Variants in GYS2 observed in about 807,000 individuals in gnomAD.
The protein encoded by GYS2 is glycogen synthase 2, also known as glycogen [starch] synthase, liver.
In GYS2, 80 loss-of-function variants were observed where a neutral mutation model predicts 85.6. The ratio of observed to expected loss-of-function variants is 0.93; its 90% CI spans 0.78 to 1.13. The LOEUF (loss-of-function observed/expected upper bound fraction) is 1.13. Among genes scored for constraint, GYS2 ranks in the 50% most tolerant of loss-of-function variants. The pLI is 0.00. For missense variants in GYS2, 881 were observed against 854.9 expected (o/e 1.03, Z -0.38); for synonymous variants, 328 against 300.7 (o/e 1.09, Z -0.94).
chr12:21,601,692 T>C (rs1350424156), intron 1 of GYS2, among the ~76,000 whole-genome samples: 1 of 152,038 alleles, frequency 6.6e-6, no homozygotes, highest in Non-Finnish European at 1.5e-5. Context: ...TCCCTTAGTC[T>C]CACACTCATC....
intron 10 of GYS2, 124 bp from the exon 11 acceptor site, chr12:21,558,437 A>G: frequency 1.4e-6 from 1 of 694,956 alleles, no homozygotes; most frequent in East Asian, 2.7e-5. Flanking sequence ...GATGGCACTA[A>G]TGATGATGAC....
chr12:21,539,942 A>G (rs1943952706), intron 14 of GYS2, among the ~76,000 whole-genome samples: 1 of 152,240 alleles, frequency 6.6e-6, no homozygotes, highest in Admixed American at 6.5e-5. Flanking sequence ...AAGCTGTGTG[A>G]GCATCCAGGT....
chr12:21,576,112 A>T (rs1944444260), intron 2 of GYS2, 55 bp from the exon 3 acceptor site: 3 of 1,375,598 alleles, frequency 2.2e-6, no homozygotes, highest in African/African-American at 2.8e-5. Flanking sequence ...AAGACAGGAC[A>T]ATGTATTTGC....
At chr12:21,560,240 G>C (rs111513713) in intron 8 of GYS2, 146 bp downstream of exon 8, 19 of 652,534 alleles carry the variant, frequency 2.9e-5, no homozygotes, top group African/African-American at 2.3e-4. Flanking sequence ...TAAAATAGTA[G>C]CACGATGAAA....
chr12:21,560,565 A>G, intron 7 of GYS2, 73 bp from the exon 8 acceptor site: 1 of 795,038 alleles, frequency 1.3e-6, no homozygotes, highest in East Asian at 2.4e-5. Flanking sequence ...GAACTTAAAC[A>G]TTGAAAAGTA....
chr12:21,534,813 A>G (rs1458323080), downstream of GYS2, among the ~76,000 whole-genome samples: 3 of 152,186 alleles, frequency 2.0e-5, no homozygotes, highest in Non-Finnish European at 4.4e-5. Flanking sequence ...CACGTTTTCT[A>G]TAGTTCCTGT....
intron 1 of GYS2, among the ~76,000 whole-genome samples, chr12:21,585,560 GAAA>G (rs36121025): frequency 2.6e-5 from 3 of 115,782 alleles, no homozygotes; most frequent in African/African-American, 3.2e-5. Context: ...ACTCCACCAG[GAAA>G]AAAAAAAAAA....
chr12:21,585,044 T>G (rs1334313622), intron 1 of GYS2, among the ~76,000 whole-genome samples: 4 of 152,192 alleles, frequency 2.6e-5, no homozygotes, highest in Non-Finnish European at 5.9e-5. Flanking sequence ...CTGTGTATGC[T>G]CTGAATCAGT....
chr12:21,575,861 C>A lies in GYS2; in HGVS notation c.495+5G>T. 2 of 1,605,300 alleles carry A rather than the reference C, an allele frequency of 1.2e-6. No homozygotes were observed. Among genetic ancestry groups the A allele is most frequent in the Non-Finnish European group, 1.7e-6 (2 of 1,172,130 alleles). ...TCCGTTGTATCACTATATAATAAAC[C>A]ATACCTCTTTTAAGAACCAGGCAGT... On this transcript the variant is annotated splice_donor_5th_base_variant and intron_variant, in intron 3 of 15. Coordinates refer to ENST00000261195, the MANE Select transcript of GYS2 (RefSeq NM_021957.4).
At chr12:21,577,976 T>G (rs1944465510) in intron 2 of GYS2, among the ~76,000 whole-genome samples, 1 of 152,184 alleles carries the variant, frequency 6.6e-6, no homozygotes, top group South Asian at 2.1e-4. Flanking sequence ...CTTAACCTCA[T>G]GGTTACTTGA....
At chr12:21,569,897 C>T (rs764038989) in intron 4 of GYS2, among the ~76,000 whole-genome samples, 4 of 152,046 alleles carry the variant, frequency 2.6e-5, no homozygotes, top group African/African-American at 7.2e-5. Context: ...GAAATTGAAC[C>T]TTTTAGAGGT....
chr12:21,559,608 G>T, intron 9 of GYS2, 43 bp downstream of exon 9: 5 of 1,028,862 alleles, frequency 4.9e-6, no homozygotes, highest in Non-Finnish European at 7.7e-6. Context: ...TTTGAATAGT[G>T]AAACCTTAAG....
chr12:21,538,939 G>C (rs1419762038), intron 15 of GYS2, among the ~76,000 whole-genome samples: 3 of 152,180 alleles, frequency 2.0e-5, no homozygotes, highest in Admixed American at 6.5e-5. Context: ...CTTCCTTGGA[G>C]AGCAAATTCA....
intron 8 of GYS2, among the ~76,000 whole-genome samples, chr12:21,560,117 G>A (rs1037024670): frequency 5.3e-5 from 8 of 152,160 alleles, no homozygotes; most frequent in Admixed American, 5.2e-4. Flanking sequence ...ACAATAGAAA[G>A]TTAAAAAATG....
At chr12:21,559,354 A>T (rs1944223469) in intron 9 of GYS2, among the ~76,000 whole-genome samples, 185 bp from the exon 10 acceptor site, 1 of 152,170 alleles carries the variant, frequency 6.6e-6, no homozygotes, top group Non-Finnish European at 1.5e-5. Context: ...TTGTCAATAT[A>T]TATTTTGAAT....
Position 21,575,948 on chromosome 12 carries a change from C to G in GYS2, c.413G>C (p.Cys138Ser), listed in dbSNP as rs1162919810. 6.2e-7 allele frequency: 1 copy of G among 1,613,822 alleles called. No homozygotes were observed. The highest frequency in any genetic ancestry group is 1.7e-5 in the Admixed American group (1 of 60,012). Residue 138 changes from cysteine to serine, a missense_variant, in exon 3 of 16, where the codon TGC becomes TCC. Transcript: ENST00000261195. ...DRWKGDLWEACSVGIPYHDRE... is the reference protein window; with the variant it reads ...DRWKGDLWEASSVGIPYHDRE... Reference sequence around the variant, plus strand: ...GTCATGATAAGGAATGCCGACACTGCATGCTTCCCAGAGGTCACCCTTCCA... The same window carrying G: ...GTCATGATAAGGAATGCCGACACTGGATGCTTCCCAGAGGTCACCCTTCCA...
intron 11 of GYS2, among the ~76,000 whole-genome samples, chr12:21,547,090 T>C (rs556425304): frequency 6.6e-6 from 1 of 152,318 alleles, no homozygotes; most frequent in African/African-American, 2.4e-5. Context: ...ATTGATCCTT[T>C]AAAAATGTCA....
At chr12:21,589,359 C>T (rs1026143992) in intron 1 of GYS2, among the ~76,000 whole-genome samples, 1 of 152,082 alleles carries the variant, frequency 6.6e-6, no homozygotes, top group African/African-American at 2.4e-5. Flanking sequence ...TCAGATAGTC[C>T]CCCATATAGC....
intron 13 of GYS2, among the ~76,000 whole-genome samples, chr12:21,541,284 A>C (rs3741839): frequency 6.9e-6 from 1 of 145,254 alleles, no homozygotes; most frequent in African/African-American, 2.6e-5. Flanking sequence ...AAAAAAAAAA[A>C]AAAAAAACAA....
Sources: gnomAD v4.1 joint callset for allele counts (sites outside exome capture counted in the v4.1 genomes callset) on GRCh38, gnomAD v4.1.1 for gene constraint, MANE v1.5 for transcripts, NCBI Gene and HGNC (gene_info 2026-07-23, HGNC 2026-07-21) for gene names.